The following BICC1 variants were observed in gnomAD, a reference collection of about 807,000 sequenced individuals.
BICC1 encodes the protein protein bicaudal C homolog 1.
BICC1 carries 43 observed loss-of-function variants against 111.0 expected under a neutral mutation model. The observed-to-expected ratio is 0.39, with a 90% CI of 0.30 to 0.50. BICC1 has a LOEUF of 0.50. BICC1 is among the 20% of genes least tolerant of loss of function. The probability of loss-of-function intolerance (pLI) is 0.88; values close to 1 mark genes in which losing one functional copy is unlikely to be tolerated. For synonymous variants in BICC1, 467 were observed against 434.4 expected, an observed-to-expected ratio of 1.07 and a Z score of -0.93; for missense variants, 1,091 against 1,203.2, an observed-to-expected ratio of 0.91 and a Z score of 1.38.
chr10:58,536,093 A>G (rs1356207316), intron 1 of BICC1, among the ~76,000 whole-genome samples: 1 of 151,758 alleles, frequency 6.6e-6, no homozygotes, highest in Non-Finnish European at 1.5e-5. Flanking sequence ...CTACCACTAG[A>G]CCTAAGAACA....
At position 58,813,869 on chromosome 10, in the gene BICC1, C is replaced by T. The variant is rs756205604; in HGVS notation, c.2416C>T (p.His806Tyr). ...CCTTTCACGGTCCAACAGTCGTGAG[C>T]ACTTGGGAGGTGGAAGCGAATCTGA... The part of the protein sequence containing the change: ...MSLSRSNSRE[H>Y]LGGGSESDNW... Residue 806 changes from histidine to tyrosine, a missense_variant, in exon 18 of 21, where the codon CAC (histidine) becomes TAC (tyrosine). Around this residue, in one of 3 missense-constraint regions of BICC1, gnomAD observed 231 missense variants for 256.2 expected, o/e 0.90. Transcript: ENST00000373886. 6.2e-7 allele frequency: 1 copy of T among 1,613,934 alleles called. No homozygotes were observed. The highest frequency in any genetic ancestry group is 1.1e-5 in the South Asian group (1 of 91,076).
At chr10:58,621,491 G>T (rs553849183) in intron 2 of BICC1, among the ~76,000 whole-genome samples, 3 of 146,950 alleles carry the variant, frequency 2.0e-5, no homozygotes, top group Non-Finnish European at 4.6e-5. Context: ...CTTAGCTGGG[G>T]CAGGCTTAGC....
intron 1 of BICC1, among the ~76,000 whole-genome samples, chr10:58,589,614 C>A (rs186126254): frequency 1.3e-5 from 2 of 151,792 alleles, no homozygotes; most frequent in African/African-American, 4.8e-5. Flanking sequence ...AGGGACTAGA[C>A]GTGCATGCCA....
At chr10:58,638,045 A>G (rs1279824200) in intron 2 of BICC1, among the ~76,000 whole-genome samples, 1 of 152,188 alleles carries the variant, frequency 6.6e-6, no homozygotes, top group East Asian at 1.9e-4. Flanking sequence ...AAAGTTTCTA[A>G]TACTAAATGA....
At chr10:58,636,893 C>A (rs568294994) in intron 2 of BICC1, among the ~76,000 whole-genome samples, 1 of 151,810 alleles carries the variant, frequency 6.6e-6, no homozygotes, top group South Asian at 2.1e-4. Flanking sequence ...TGAGCAAATG[C>A]GAGAGATGAT....
At chr10:58,771,562 A>C (rs1842623388) in intron 3 of BICC1, among the ~76,000 whole-genome samples, 1 of 152,146 alleles carries the variant, frequency 6.6e-6, no homozygotes, top group Non-Finnish European at 1.5e-5. Context: ...GCCTGACAAA[A>C]CATGACATTT....
intron 1 of BICC1, among the ~76,000 whole-genome samples, chr10:58,550,072 G>A (rs534240213): frequency 6.6e-6 from 1 of 152,178 alleles, no homozygotes; most frequent in East Asian, 1.9e-4. Flanking sequence ...CTGGGGTGCA[G>A]TAGCATGATC....
intron 2 of BICC1, among the ~76,000 whole-genome samples, chr10:58,698,446 C>T (rs1840131638): frequency 6.6e-6 from 1 of 152,126 alleles, no homozygotes; most frequent in South Asian, 2.1e-4. Flanking sequence ...ACTTTTTCTC[C>T]TCCTTTAGGT....
intron 3 of BICC1, among the ~76,000 whole-genome samples, chr10:58,747,675 A>G (rs773092569): frequency 6.6e-6 from 1 of 152,154 alleles, no homozygotes; most frequent in Non-Finnish European, 1.5e-5. Flanking sequence ...TATACCTTAG[A>G]TAACATAAAC....
At chr10:58,788,251 A>G (rs910875531) in intron 5 of BICC1, 119 bp from the exon 6 acceptor site, 18 of 693,288 alleles carry the variant, frequency 2.6e-5, no homozygotes, top group Non-Finnish European at 4.2e-5. Flanking sequence ...AAGCTTCTGG[A>G]TAATACCTCT....
chr10:58,585,862 T>G (rs1844413141), intron 1 of BICC1, among the ~76,000 whole-genome samples: 1 of 152,098 alleles, frequency 6.6e-6, no homozygotes, highest in African/African-American at 2.4e-5. Flanking sequence ...TTCAGAGAGG[T>G]GGCCAAGGTA....
intron 2 of BICC1, among the ~76,000 whole-genome samples, chr10:58,696,761 G>C (rs73295635): frequency 0.016 from 2,424 of 152,288 alleles, 62 homozygotes; most frequent in African/African-American, 0.056. Flanking sequence ...TTATGAGTTA[G>C]AACAAGAGTT....
intron 1 of BICC1, among the ~76,000 whole-genome samples, chr10:58,551,653 T>A (rs531629098): frequency 6.6e-6 from 1 of 152,318 alleles, no homozygotes; most frequent in East Asian, 1.9e-4. Flanking sequence ...TCCACACCTC[T>A]CCTTCCCACC....
intron 3 of BICC1, among the ~76,000 whole-genome samples, chr10:58,771,035 C>T (rs560288352): frequency 6.6e-6 from 1 of 152,262 alleles, no homozygotes; most frequent in East Asian, 1.9e-4. Context: ...TGATTTAATC[C>T]TTACAACAAT....
At chr10:58,547,810 C>T (rs188566613) in intron 1 of BICC1, among the ~76,000 whole-genome samples, 20 of 152,222 alleles carry the variant, frequency 1.3e-4, no homozygotes, top group African/African-American at 4.8e-4. Context: ...TTGATATACC[C>T]CCACTGTTGC....
At chr10:58,643,550 T>G (rs991684589) in intron 2 of BICC1, among the ~76,000 whole-genome samples, 2 of 152,232 alleles carry the variant, frequency 1.3e-5, no homozygotes, top group Non-Finnish European at 2.9e-5. Flanking sequence ...GGACTTACAG[T>G]ACATTATTTT....
chr10:58,708,471 G>A (rs1367989623), intron 3 of BICC1, among the ~76,000 whole-genome samples: 2 of 152,214 alleles, frequency 1.3e-5, no homozygotes, highest in African/African-American at 4.8e-5. Flanking sequence ...GAGGTTAAGA[G>A]CAGAGGTTTA....
At chr10:58,653,030 G>T (rs527694448) in intron 2 of BICC1, among the ~76,000 whole-genome samples, 1 of 152,096 alleles carries the variant, frequency 6.6e-6, no homozygotes, top group Non-Finnish European at 1.5e-5. Flanking sequence ...AATCACCAAC[G>T]TAAGAGACAT....
chr10:58,526,270 TA>T (rs1235528849), intron 1 of BICC1, among the ~76,000 whole-genome samples: 1 of 151,996 alleles, frequency 6.6e-6, no homozygotes, highest in Non-Finnish European at 1.5e-5. Flanking sequence ...CAAGTAGACC[TA>T]GACACTAGTT....
Sources: gnomAD v4.1 joint callset for allele counts (sites outside exome capture counted in the v4.1 genomes callset) on GRCh38, gnomAD v4.1.1 for gene constraint, gnomAD v4.1.1 regional missense constraint, MANE v1.5 for transcripts, NCBI Gene and HGNC (gene_info 2026-07-23, HGNC 2026-07-21) for gene names.